The following DPH6 variants were observed in gnomAD, a reference collection of about 807,000 sequenced individuals.
DPH6 encodes diphthine--ammonia ligase.
A neutral mutation model predicts 38.2 loss-of-function variants in DPH6; 33 were observed. The ratio of observed to expected loss-of-function variants is 0.86; its 90% CI spans 0.65 to 1.15. The LOEUF (loss-of-function observed/expected upper bound fraction) is 1.15, where lower values mean the gene tolerates loss of function less well. DPH6 is among the 50% of genes most tolerant of loss of function. The pLI is 0.00. For synonymous variants in DPH6, 108 were observed against 103.0 expected (o/e 1.05, Z -0.30); for missense variants, 325 against 320.0 (o/e 1.02, Z -0.12).
chr15:35,314,795 TTC>T (rs2052174027), intron 3 of DPH6, among the ~76,000 whole-genome samples: 1 of 152,188 alleles, frequency 6.6e-6, no homozygotes, highest in African/African-American at 2.4e-5. Flanking sequence ...AAGTGTCGTC[TTC>T]TCTTTTTCTG....
chr15:35,153,802 C>T, the DPH6 span, among the ~76,000 whole-genome samples: 1 of 152,084 alleles, frequency 6.6e-6, no homozygotes, highest in Non-Finnish European at 1.5e-5. Flanking sequence ...TCAAAACATT[C>T]CAAAAGTCTG....
chr15:35,489,936 A>G, intron 3 of DPH6: 1 of 977,528 alleles, frequency 1.0e-6, no homozygotes, highest in Non-Finnish European at 1.2e-6. Flanking sequence ...AAGTATCAAA[A>G]AGAAACTATT....
intron 6 of DPH6, among the ~76,000 whole-genome samples, chr15:35,409,073 TG>T (rs2053331350): frequency 6.6e-6 from 1 of 151,722 alleles, no homozygotes; most frequent in Admixed American, 6.6e-5. Flanking sequence ...AAGACAGGTG[TG>T]AATGGGATCC....
intron 5 of DPH6, among the ~76,000 whole-genome samples, chr15:35,429,419 C>T (rs1362102351): frequency 6.6e-6 from 1 of 152,054 alleles, no homozygotes; most frequent in African/African-American, 2.4e-5. Context: ...AATTCTGATT[C>T]TATTATTCAA....
At chr15:35,478,745 CA>C (rs2054292732) in intron 3 of DPH6, among the ~76,000 whole-genome samples, 1 of 151,776 alleles carries the variant, frequency 6.6e-6, no homozygotes. Context: ...TAGTCATTTG[CA>C]ATATTACCAG....
At chr15:35,194,180 C>G in the DPH6 span, among the ~76,000 whole-genome samples, 1 of 152,014 alleles carries the variant, frequency 6.6e-6, no homozygotes, top group African/African-American at 2.4e-5. Flanking sequence ...TATTTATTTC[C>G]TCCTAAGGTT....
At chr15:35,503,728 A>ATGT (rs2054657082) in intron 3 of DPH6, among the ~76,000 whole-genome samples, 1 of 152,084 alleles carries the variant, frequency 6.6e-6, no homozygotes, top group African/African-American at 2.4e-5. Context: ...TCATCTTGAA[A>ATGT]CACTATATGA....
chr15:35,454,814 CT>C lies in DPH6; in HGVS notation c.318del (p.Glu107LysfsTer3), dbSNP rs1267107543. On this transcript the variant is annotated frameshift_variant, in exon 4 of 9. Coordinates refer to ENST00000256538, the MANE Select transcript of DPH6 (RefSeq NM_080650.4). LOFTEE classifies it high-confidence loss of function. Reference sequence around the variant, plus strand: ...CCTACTGATATCCCCTCTACTTCTTCTTTTTCCTGAAAATAAAGAAAAAAAC... The same window carrying C: ...CCTACTGATATCCCCTCTACTTCTTCTTTTCCTGAAAATAAAGAAAAAAAC... ...LYELLKLVKEKEEVEGISVGA... is the reference protein window; with the variant it reads ...LYELLKLVKEXEEVEGISVGA... 1.3e-6 allele frequency: 2 copies of C among 1,595,844 alleles called. No homozygotes were observed. The highest frequency in any genetic ancestry group is 2.7e-5 in the African/African-American group (2 of 74,102).
chr15:35,522,068 G>A, intron 3 of DPH6: 2 of 1,608,622 alleles, frequency 1.2e-6, no homozygotes, highest in Middle Eastern at 1.7e-4. Flanking sequence ...GAAAAGGGTT[G>A]AGGGGAATCA....
At chr15:35,251,974 A>C (rs2051678050) in intron 3 of DPH6, among the ~76,000 whole-genome samples, 1 of 152,106 alleles carries the variant, frequency 6.6e-6, no homozygotes, top group Non-Finnish European at 1.5e-5. Flanking sequence ...CCCCATCTCT[A>C]CTAAAAATAT....
intron 3 of DPH6, among the ~76,000 whole-genome samples, chr15:35,465,953 C>T (rs999195446): frequency 2.0e-5 from 3 of 152,206 alleles, no homozygotes; most frequent in Admixed American, 6.5e-5. Flanking sequence ...CATCCCAGAT[C>T]AAATTCAACC....
At chr15:35,367,784 A>G (rs1408636546), downstream of DPH6, among the ~76,000 whole-genome samples, 2 of 151,858 alleles carry the variant, frequency 1.3e-5, no homozygotes, top group African/African-American at 2.4e-5. Context: ...TGATAAATCA[A>G]AATTTACACT....
rs1453136525 is a variant in DPH6 at position 35,298,734 on chromosome 15, G to GC, written n.200+74786dup. 4 of 1,573,030 alleles carry GC rather than the reference G, an allele frequency of 2.5e-6. No individual in the cohort carries two copies. The African/African-American group carries it at 5.4e-5, about 21-fold the overall frequency. On this transcript the variant is annotated intron_variant and non_coding_transcript_variant, in intron 3 of 3. Transcript: ENST00000560386. ...AAGCCGTACTTCTGTATGATCTTGT[G>GC]CGCCACCGTGCCCCCCAAGTTAGCG...
At chr15:35,354,644 G>A (rs980657065) in intron 3 of DPH6, among the ~76,000 whole-genome samples, 6 of 152,126 alleles carry the variant, frequency 3.9e-5, no homozygotes, top group East Asian at 1.9e-4. Context: ...CTTGATCATG[G>A]TGGATAAGCT....
At chr15:35,521,845 G>A in intron 3 of DPH6, 1 of 1,322,534 alleles carries the variant, frequency 7.6e-7, no homozygotes, top group Non-Finnish European at 9.6e-7. Flanking sequence ...AGTATAAAAA[G>A]CAAAGTGATT....
chr15:35,351,317 T>G (rs1413638482), intron 3 of DPH6, among the ~76,000 whole-genome samples: 1 of 151,890 alleles, frequency 6.6e-6, no homozygotes, highest in Non-Finnish European at 1.5e-5. Context: ...CTCTCATAGA[T>G]AGCATATAGT....
In DPH6 at chr15:35,496,563, A is replaced by T. The variant is rs1157756168; in HGVS notation, c.312+41711T>A. Among the ~76,000 whole-genome samples, 19 of 16,008 alleles carry T rather than the reference A, an allele frequency of 1.2e-3. No individual in the cohort carries two copies. The South Asian group carries it at 0.045, about 38-fold the overall frequency. The allele number at this position is 16,008 out of a possible 152,430, so 10.5% of individuals were successfully genotyped here. On this transcript the variant is annotated intron_variant, in intron 3 of 8. Coordinates refer to ENST00000256538, the MANE Select transcript of DPH6 (RefSeq NM_080650.4). ...AGACGAAAGTTCCATCTCAAAAAAA[A>T]AAAAATATATATATATATATATATA...
intron 5 of DPH6, among the ~76,000 whole-genome samples, chr15:35,425,611 A>G (rs973142134): frequency 6.6e-6 from 1 of 150,818 alleles, no homozygotes; most frequent in African/African-American, 2.4e-5. Context: ...TATAAAACAT[A>G]CCTATATACA....
Position 35,517,417 on chromosome 15 carries a change from G to GA in DPH6, c.312+20856dup, listed in dbSNP as rs138116127. Among the ~76,000 whole-genome samples the GA allele has an allele frequency of 3.3e-5, 5 of 152,054 alleles. No homozygotes were observed. In the South Asian group the frequency reaches 6.2e-4, roughly 19 times the overall value. ...CTTAGTTTGGTACTCTCATTGCAAA[G>GA]AAAAAATACCTTATTCAATTTTTTT... On this transcript the variant is annotated intron_variant, in intron 3 of 8. Coordinates refer to ENST00000256538, the MANE Select transcript of DPH6 (RefSeq NM_080650.4).
Sources: allele counts gnomAD v4.1 joint callset (sites outside exome capture counted in the v4.1 genomes callset), GRCh38; gene constraint gnomAD v4.1.1; transcripts MANE v1.5; gene names NCBI Gene and HGNC (gene_info 2026-07-23, HGNC 2026-07-21).